Variants in MAP4 observed in about 807,000 individuals in gnomAD.
MAP4 encodes microtubule-associated protein 4.
A neutral mutation model predicts 170.2 loss-of-function variants in MAP4; 76 were observed. That is an observed-to-expected ratio of 0.45 (90% CI 0.37 to 0.54). MAP4 has a LOEUF of 0.54. MAP4 is among the 20% of genes least tolerant of loss of function. The probability of loss-of-function intolerance (pLI) is 0.00; values close to 1 mark genes in which losing one functional copy is unlikely to be tolerated. For missense variants in MAP4, 2,506 were observed against 2,748.0 expected, an observed-to-expected ratio of 0.91 and a Z score of 1.97; for synonymous variants, 909 against 994.5, an observed-to-expected ratio of 0.91 and a Z score of 1.62.
At position 47,871,037 on chromosome 3, in the gene MAP4, C is replaced by T. The variant is rs2091783159; in HGVS notation, c.6070G>A (p.Ala2024Thr). 10 of 1,613,620 alleles carry T rather than the reference C, an allele frequency of 6.2e-6. No individual in the cohort carries two copies. Among genetic ancestry groups the T allele is most frequent in the Non-Finnish European group, 8.5e-6 (10 of 1,179,656 alleles). ...MKKTTTLSGT[A>T]PAAGVVPSRV... ...CTGGGAACCACCCCTGCAGCGGGGG[C>T]TGTCCCACTGAGAGTGGTGGTTTTC... is the stretch of plus-strand genomic sequence containing the variant. Residue 2024 changes from alanine to threonine, a missense_variant, in exon 15 of 21, where the codon GCC (alanine) becomes ACC (threonine). Coordinates refer to ENST00000683076, the MANE Select transcript of MAP4 (RefSeq NM_001385682.1).
chr3:48,076,679 G>A (rs775055270), intron 1 of MAP4, among the ~76,000 whole-genome samples: 5 of 151,434 alleles, frequency 3.3e-5, no homozygotes, highest in South Asian at 2.1e-4. Context: ...ACCCTGTCTC[G>A]GAAAGAAGAA....
At chr3:47,970,535 C>T (rs543520706) in intron 3 of MAP4, among the ~76,000 whole-genome samples, 2 of 152,042 alleles carry the variant, frequency 1.3e-5, no homozygotes, top group South Asian at 2.1e-4. Flanking sequence ...GAAGGCTGGG[C>T]GTGGTGGCTC....
intron 3 of MAP4, 83 bp from the exon 4 acceptor site, chr3:47,928,433 A>C (rs1331250427): frequency 4.3e-5 from 57 of 1,340,310 alleles, no homozygotes; most frequent in Non-Finnish European, 5.6e-5. Flanking sequence ...AAAGTATTAC[A>C]GCTAGTACAA....
intron 3 of MAP4, among the ~76,000 whole-genome samples, chr3:47,967,497 C>CA (rs1285855363): frequency 1.3e-5 from 2 of 151,990 alleles, no homozygotes; most frequent in East Asian, 1.9e-4. Context: ...ACTGAAAATA[C>CA]AAAAATTAGC....
At chr3:47,997,707 C>CAAAGAAAGAAAGAAAGAAAG (rs59915035) in intron 2 of MAP4, among the ~76,000 whole-genome samples, 26 of 149,906 alleles carry the variant, frequency 1.7e-4, no homozygotes, top group African/African-American at 6.4e-4. Context: ...CTAGACTTAT[C>CAAAGAAAGAAAGAAAGAAAG]AAAGAAAGAA....
intron 10 of MAP4, 96 bp from the exon 11 acceptor site, chr3:47,877,619 C>T: frequency 2.7e-6 from 2 of 741,898 alleles, no homozygotes; most frequent in Non-Finnish European, 4.4e-6. Flanking sequence ...CACTAACTAG[C>T]ACTTCATTCT....
At chr3:47,868,447 A>G (rs1336432857) in intron 16 of MAP4, among the ~76,000 whole-genome samples, 3 of 152,314 alleles carry the variant, frequency 2.0e-5, no homozygotes, top group East Asian at 3.9e-4. Context: ...GTCACCCAGA[A>G]GCCACGGTGC....
chr3:47,915,961 C>A lies in MAP4; in HGVS notation c.1866G>T (p.Met622Ile). The part of the protein sequence containing the change: ...DVGQSAAPTF[M>I]ISPETVTGTG... The stretch of plus-strand genomic sequence containing the variant: ...AGCACAAGCACGTACCTGGTGAAAT[C>A]ATGAAAGTAGGTGCAGCTGACTGCC... The change falls in exon 7 of 21, where the codon ATG (methionine) becomes ATT (isoleucine). Residue 622 changes from methionine to isoleucine, a missense_variant. Met to Ile is a conservative substitution (Grantham distance 10). Transcript: ENST00000683076. 1.2e-6 allele frequency: 2 copies of A among 1,610,498 alleles called. No individual in the cohort carries two copies. The highest frequency in any genetic ancestry group is 1.1e-5 in the South Asian group (1 of 90,166).
intron 3 of MAP4, among the ~76,000 whole-genome samples, chr3:47,930,483 AC>A (rs1385045504): frequency 1.3e-5 from 2 of 151,908 alleles, no homozygotes; most frequent in Non-Finnish European, 1.5e-5. Context: ...AACAAAAAAA[AC>A]AAAAGACAAC....
chr3:47,988,533 G>C (rs559129581), intron 2 of MAP4, among the ~76,000 whole-genome samples: 14 of 152,156 alleles, frequency 9.2e-5, no homozygotes, highest in Non-Finnish European at 2.1e-4. Flanking sequence ...ATGAACAGGA[G>C]AGCAAGTGCC....
chr3:47,914,889 A>G lies in MAP4; in HGVS notation c.1927T>C (p.Ser643Pro), dbSNP rs750850102. 3.1e-6 allele frequency: 5 copies of G among 1,614,148 alleles called. No homozygotes were observed. In the South Asian group the frequency reaches 3.3e-5, roughly 11 times the overall value. ...CTTTCCCCTAGTTTTTCTAACACAG[A>G]ATCCTCCTCGGCCGGCAAGCTGCAC... ...KKCSLPAEED[S>P]VLEKLGERKP... The change falls in exon 8 of 21, where the codon TCT becomes CCT. Residue 643 changes from serine (S) to proline (P), a missense_variant. Physicochemically the swap from Ser to Pro is moderately conservative, Grantham distance 74. Coordinates refer to ENST00000683076, the MANE Select transcript of MAP4 (RefSeq NM_001385682.1).
chr3:48,044,074 G>A (rs1410386364), intron 1 of MAP4, among the ~76,000 whole-genome samples: 1 of 151,844 alleles, frequency 6.6e-6, no homozygotes, highest in Non-Finnish European at 1.5e-5. Flanking sequence ...TCGATCTCCT[G>A]ACCTCGTGAT....
chr3:48,032,570 C>A (rs1370518535), intron 1 of MAP4, among the ~76,000 whole-genome samples: 1 of 151,614 alleles, frequency 6.6e-6, no homozygotes, highest in Non-Finnish European at 1.5e-5. Context: ...GAGGCTGAGG[C>A]AGGAGAATCG....
chr3:47,898,917 G>A lies in MAP4; in HGVS notation c.5434+4033C>T, dbSNP rs551216179. Among the ~76,000 whole-genome samples, 3 of 152,218 alleles carry A rather than the reference G, an allele frequency of 2.0e-5. No homozygotes were observed. The South Asian group carries it at 6.2e-4, about 32-fold the overall frequency. On this transcript the variant is annotated intron_variant, in intron 10 of 20. Coordinates refer to ENST00000683076, the MANE Select transcript of MAP4 (RefSeq NM_001385682.1). ...GCTGCAGTGAGTGAACTATGATCAC[G>A]CCACTGCACTCCAGCCTGAGCGACA...
intron 2 of MAP4, among the ~76,000 whole-genome samples, chr3:47,992,290 G>A (rs769696089): frequency 4.6e-5 from 7 of 152,022 alleles, no homozygotes; most frequent in Admixed American, 3.9e-4. Flanking sequence ...TAAATAAGGC[G>A]GCTTCCTTCG....
At chr3:47,965,528 G>T (rs1370295563) in intron 3 of MAP4, among the ~76,000 whole-genome samples, 1 of 152,222 alleles carries the variant, frequency 6.6e-6, no homozygotes, top group East Asian at 1.9e-4. Context: ...GTACACAAGG[G>T]TTCTAATTTT....
At chr3:48,076,995 T>A (rs750886595) in intron 1 of MAP4, among the ~76,000 whole-genome samples, 1 of 151,778 alleles carries the variant, frequency 6.6e-6, no homozygotes, top group Non-Finnish European at 1.5e-5. Context: ...TTGTTTTTTT[T>A]AATTATCCAG....
intron 10 of MAP4, among the ~76,000 whole-genome samples, chr3:47,881,445 ACTATATATATATATATATAT>A (rs1559882621): frequency 4.7e-5 from 2 of 42,312 alleles, no homozygotes; most frequent in Non-Finnish European, 9.3e-5. Context: ...AGAAAAAACA[ACTATATATATATATATATAT>A]ATATATATAT....
chr3:47,932,338 A>G (rs1055692701), intron 3 of MAP4, among the ~76,000 whole-genome samples: 1 of 151,956 alleles, frequency 6.6e-6, no homozygotes, highest in Non-Finnish European at 1.5e-5. Flanking sequence ...ATCAGCTGAC[A>G]TTTGGTTGTT....
Sources: gnomAD v4.1 joint callset for allele counts (sites outside exome capture counted in the v4.1 genomes callset) on GRCh38, gnomAD v4.1.1 for gene constraint, MANE v1.5 for transcripts, NCBI Gene and HGNC (gene_info 2026-07-23, HGNC 2026-07-21) for gene names.